The following YY1 variants were observed in gnomAD, a reference collection of about 807,000 sequenced individuals.
YY1 encodes the protein transcriptional repressor protein YY1.
Under a neutral mutation model 35.6 loss-of-function variants are expected in YY1, and 2 were observed. That is an observed-to-expected ratio of 0.06 (90% CI 0.02 to 0.18). YY1 has a LOEUF of 0.18. Ranked by LOEUF, YY1 falls within the 10% of genes least tolerant of loss-of-function variation. YY1 has a pLI of 1.00. For missense variants in YY1, 322 were observed against 573.4 expected (o/e 0.56, Z 4.48); for synonymous variants, 268 against 238.9 (o/e 1.12, Z -1.12).
At chr14:100,243,800 C>G (rs145183331) in intron 1 of YY1, among the ~76,000 whole-genome samples, 2,172 of 125,234 alleles carry the variant, frequency 0.017, 48 homozygotes, top group African/African-American at 0.064. Flanking sequence ...CAGTGAGACA[C>G]TGTCAAAAAA....
intron 1 of YY1, among the ~76,000 whole-genome samples, chr14:100,257,299 G>T (rs548637429): frequency 1.3e-5 from 2 of 152,218 alleles, no homozygotes; most frequent in African/African-American, 4.8e-5. Context: ...TTTATTCCCA[G>T]TGCCCAGAAC....
At chr14:100,252,753 G>A (rs1409297319) in intron 1 of YY1, among the ~76,000 whole-genome samples, 1 of 152,136 alleles carries the variant, frequency 6.6e-6, no homozygotes, top group Admixed American at 6.5e-5. Context: ...GAAACCCATT[G>A]CAGGCCAGGC....
chr14:100,244,599 T>C (rs371543598), intron 1 of YY1, among the ~76,000 whole-genome samples: 19 of 151,520 alleles, frequency 1.3e-4, no homozygotes, highest in East Asian at 3.9e-4. Flanking sequence ...CTTTTTTTTT[T>C]TGAGGCAGGG....
intron 2 of YY1, among the ~76,000 whole-genome samples, chr14:100,269,471 A>G (rs1176276879): frequency 6.6e-6 from 1 of 152,168 alleles, no homozygotes; most frequent in Non-Finnish European, 1.5e-5. Context: ...TCTGGGTTCA[A>G]AAGTGTCCGT....
At chr14:100,249,755 T>TTG (rs1254674483) in intron 1 of YY1, among the ~76,000 whole-genome samples, 3 of 79,808 alleles carry the variant, frequency 3.8e-5, no homozygotes, top group African/African-American at 5.7e-5. Flanking sequence ...ACCGTTTTTT[T>TTG]TTTTGTTTGT....
chr14:100,277,269 T>C lies in YY1; in HGVS notation c.1063-149T>C. 2.0e-6 allele frequency: 2 copies of C among 1,018,012 alleles called. No individual in the cohort carries two copies. The highest frequency in any genetic ancestry group is 1.5e-6 in the Non-Finnish European group (1 of 671,354). 63.1% of individuals were successfully genotyped at this position (1,018,012 alleles called of 1,614,324 possible). On this transcript the variant is annotated intron_variant, in intron 4 of 4. Transcript: ENST00000262238. This position sits in a 1 kb window ranked among gnomAD's most constrained non-coding sequence, Gnocchi z 5.6. ...GGTTGTCCAACCTGCCTGCTGATTC[T>C]AGACTATATCCACAAAGTTCACCCA...
intron 1 of YY1, among the ~76,000 whole-genome samples, chr14:100,243,804 C>CA (rs60629986): frequency 0.37 from 44,609 of 121,718 alleles, 7,292 homozygotes; most frequent in South Asian, 0.57. Flanking sequence ...GAGACACTGT[C>CA]AAAAAAAAAA....
intron 1 of YY1, among the ~76,000 whole-genome samples, chr14:100,249,100 ATTTTTTTTTTTTTTTTTTTTTTT>A (rs60088505): frequency 2.1e-5 from 1 of 46,766 alleles, no homozygotes; most frequent in Non-Finnish European, 4.0e-5. Flanking sequence ...TTCTCGTGTA[ATTTTTTTTTTTTTTTTTTTTTTT>A]TTTTTTTTTT....
At position 100,276,075 on chromosome 14, in the gene YY1, G is replaced by A. The variant is rs575331537; in HGVS notation, c.904-415G>A. On this transcript the variant is annotated intron_variant, in intron 3 of 4. Transcript: ENST00000262238. This position sits in a 1 kb window ranked among gnomAD's most constrained non-coding sequence, Gnocchi z 4.1. ...AGCACAGAATATGGGGCCACCAAAG[G>A]TAGTGGTGGACTACCGTCATTTTAA... 1.5e-4 allele frequency: 43 copies of A among 286,036 alleles called. No homozygotes were observed. The highest frequency in any genetic ancestry group is 1.5e-3 in the South Asian group (43 of 28,898). The allele number at this position is 286,036 out of a possible 1,614,324, so 17.7% of individuals were successfully genotyped here.
chr14:100,271,458 C>T (rs1473364313), intron 2 of YY1, among the ~76,000 whole-genome samples: 2 of 152,216 alleles, frequency 1.3e-5, no homozygotes, highest in East Asian at 1.9e-4. Flanking sequence ...GTTCAGAGTC[C>T]TGTTTACAAC....
At chr14:100,264,972 G>C (rs77333686) in intron 2 of YY1, among the ~76,000 whole-genome samples, 2,893 of 152,156 alleles carry the variant, frequency 0.019, 108 homozygotes, top group African/African-American at 0.066. Flanking sequence ...TATGCAGCTA[G>C]CTTCTTGGGA....
At chr14:100,241,188 C>T (rs1890734962) in intron 1 of YY1, among the ~76,000 whole-genome samples, 1 of 152,162 alleles carries the variant, frequency 6.6e-6, no homozygotes, top group Non-Finnish European at 1.5e-5. Context: ...ATAATCCTGC[C>T]ATCGTAGTTA....
intron 2 of YY1, among the ~76,000 whole-genome samples, chr14:100,274,465 C>T (rs919354124): frequency 2.6e-5 from 4 of 152,138 alleles, no homozygotes; most frequent in African/African-American, 7.2e-5. Flanking sequence ...AGACTGTAGG[C>T]GGCAACTCGA....
intron 1 of YY1, among the ~76,000 whole-genome samples, chr14:100,247,085 A>C (rs1807474079): frequency 6.6e-6 from 1 of 152,228 alleles, no homozygotes; most frequent in Non-Finnish European, 1.5e-5. Flanking sequence ...ATCTACAGTT[A>C]GTATTTTATA....
intron 1 of YY1, among the ~76,000 whole-genome samples, chr14:100,254,775 A>ATT (rs1196714660): frequency 2.0e-3 from 294 of 144,450 alleles, no homozygotes; most frequent in African/African-American, 6.6e-3. Flanking sequence ...TTATTTATTT[A>ATT]TTTTTTTTTT....
chr14:100,273,124 C>G (rs1185449362), intron 2 of YY1, among the ~76,000 whole-genome samples: 1 of 151,914 alleles, frequency 6.6e-6, no homozygotes, highest in African/African-American at 2.4e-5. Flanking sequence ...GCCACCACAC[C>G]CGGCTAATTT....
rs753530895 is a variant in YY1 at position 100,239,469 on chromosome 14, TCACCACCAC to T, written c.233_241del (p.His78_His80del). 70 of 1,592,778 alleles carry T rather than the reference TCACCACCAC, an allele frequency of 4.4e-5. No individual in the cohort carries two copies. Among genetic ancestry groups the T allele is most frequent in the African/African-American group, 1.1e-4 (8 of 71,460 alleles). Reference sequence around the variant, plus strand: ...ACGCCGGCCACCACCACCACCACCATCACCACCACCACCACCCGCCCATGATCGCTCTGC... The same window carrying T: ...ACGCCGGCCACCACCACCACCACCATCACCACCCGCCCATGATCGCTCTGC... On this transcript the variant is annotated inframe_deletion, in exon 1 of 5. Transcript: ENST00000262238.
chr14:100,271,556 G>T (rs1891238884), intron 2 of YY1, among the ~76,000 whole-genome samples: 1 of 152,132 alleles, frequency 6.6e-6, no homozygotes, highest in South Asian at 2.1e-4. Context: ...TTGGATTTTG[G>T]GGTTTTGCAT....
intron 2 of YY1, chr14:100,264,213 A>G (rs1891122425): frequency 1.3e-5 from 2 of 150,934 alleles, no homozygotes; most frequent in African/African-American, 2.4e-5. Flanking sequence ...ATTTTCACTC[A>G]TCTCCCAGGC....
Sources: gnomAD v4.1 joint callset for allele counts (sites outside exome capture counted in the v4.1 genomes callset) on GRCh38, gnomAD v4.1.1 for gene constraint, Gnocchi (gnomAD v3.1) non-coding constraint, MANE v1.5 for transcripts, NCBI Gene and HGNC (gene_info 2026-07-23, HGNC 2026-07-21) for gene names.